The following ADAMTS3 variants were observed in gnomAD, a reference collection of about 807,000 sequenced individuals.
ADAMTS3 encodes the protein A disintegrin and metalloproteinase with thrombospondin motifs 3.
In ADAMTS3, 73 loss-of-function variants were observed where a neutral mutation model predicts 129.0. The observed-to-expected ratio is 0.57, with a 90% CI of 0.47 to 0.69. The LOEUF (loss-of-function observed/expected upper bound fraction) is 0.69. Ranked by LOEUF, ADAMTS3 falls within the 30% of genes least tolerant of loss-of-function variation. The pLI, the probability that ADAMTS3 is intolerant of heterozygous loss-of-function variation, is 0.00. For synonymous variants in ADAMTS3, 477 were observed against 510.8 expected, an observed-to-expected ratio of 0.93 and a Z score of 0.89; for missense variants, 1,457 against 1,514.5, an observed-to-expected ratio of 0.96 and a Z score of 0.63.
intron 4 of ADAMTS3, among the ~76,000 whole-genome samples, chr4:72,393,784 A>G (rs532662916): frequency 7.2e-5 from 11 of 152,370 alleles, no homozygotes; most frequent in Non-Finnish European, 1.3e-4. Flanking sequence ...GGATTAATGA[A>G]CTGATGATCC....
intron 3 of ADAMTS3, among the ~76,000 whole-genome samples, chr4:72,530,525 TTA>T (rs367607690): frequency 1.2e-5 from 1 of 84,886 alleles, no homozygotes; most frequent in African/African-American, 4.9e-5. Context: ...TATAAATATA[TTA>T]ATTTAATATA....
intron 2 of ADAMTS3, among the ~76,000 whole-genome samples, chr4:72,565,570 ATC>A (rs1433006604): frequency 6.6e-6 from 1 of 152,190 alleles, no homozygotes; most frequent in Non-Finnish European, 1.5e-5. Context: ...ATTTTATTCA[ATC>A]TGTTCTTCTC....
Position 72,320,840 on chromosome 4 carries a change from A to T in ADAMTS3, c.976T>A (p.Ser326Thr). The T allele has an allele frequency of 2.5e-6, 4 of 1,613,978 alleles. No individual in the cohort carries two copies. The South Asian group carries it at 4.4e-5, about 18-fold the overall frequency. Residue 326 changes from serine to threonine, a missense_variant, in exon 7 of 22, where the codon TCC becomes ACC. Coordinates refer to ENST00000286657, the MANE Select transcript of ADAMTS3 (RefSeq NM_014243.3). ...SISLIERGNP[S>T]RSLENVCRWA... ...CGACACACATTCTCCAAGCTTCTGG[A>T]TGGGTTTCCCCTTTCTATGAGGCTG...
chr4:72,392,222 T>C (rs1721612498), intron 4 of ADAMTS3, among the ~76,000 whole-genome samples: 1 of 152,142 alleles, frequency 6.6e-6, no homozygotes, highest in Non-Finnish European at 1.5e-5. Context: ...CCTGCTGATA[T>C]TTCATAGGCT....
intron 4 of ADAMTS3, among the ~76,000 whole-genome samples, chr4:72,373,881 C>T (rs1578624819): frequency 6.6e-6 from 1 of 150,478 alleles, no homozygotes; most frequent in Middle Eastern, 3.5e-3. Flanking sequence ...GACTCTGTGT[C>T]AGCAAGACCC....
rs759359266 is a variant in ADAMTS3 at position 72,283,124 on chromosome 4, T to C, written c.*12A>G. On this transcript the variant is annotated 3_prime_UTR_variant, in exon 22 of 22. Coordinates refer to ENST00000286657, the MANE Select transcript of ADAMTS3 (RefSeq NM_014243.3). ...GTTTTCCTCTGGTTTCTAGCCTTTT[T>C]GGTTCACTTTCTCATCTTTCTAAGG... The C allele has an allele frequency of 6.3e-7, 1 of 1,581,440 alleles. No individual in the cohort carries two copies. The highest frequency in any genetic ancestry group is 1.2e-5 in the South Asian group (1 of 84,980).
At chr4:72,526,753 T>C (rs1476368949) in intron 3 of ADAMTS3, among the ~76,000 whole-genome samples, 2 of 66,100 alleles carry the variant, frequency 3.0e-5, no homozygotes, top group African/African-American at 1.0e-4. Flanking sequence ...TATATATATA[T>C]ATATATATAT....
At chr4:72,323,344 T>C (rs950068110) in intron 5 of ADAMTS3, among the ~76,000 whole-genome samples, 1 of 152,236 alleles carries the variant, frequency 6.6e-6, no homozygotes, top group Non-Finnish European at 1.5e-5. Flanking sequence ...AAGGGCTTTG[T>C]TATACTAGTG....
At position 72,283,767 on chromosome 4, in the gene ADAMTS3, A is replaced by T. The variant is rs182636773; in HGVS notation, c.3050-63T>A. 2.1e-6 allele frequency: 3 copies of T among 1,400,818 alleles called. No individual in the cohort carries two copies. In the East Asian group the frequency reaches 7.3e-5, roughly 34 times the overall value. 86.8% of individuals were successfully genotyped at this position (1,400,818 alleles called of 1,614,324 possible). On this transcript the variant is annotated intron_variant, in intron 21 of 21. Transcript: ENST00000286657. ...CTAAACATAAAATAAAAGGAGGAAAAAAATTAAAATTTTTAATGAATGTAA... is the reference window on the plus strand; with the variant it reads ...CTAAACATAAAATAAAAGGAGGAAATAAATTAAAATTTTTAATGAATGTAA...
At chr4:72,513,093 C>T (rs954685233) in intron 3 of ADAMTS3, among the ~76,000 whole-genome samples, 1 of 152,320 alleles carries the variant, frequency 6.6e-6, no homozygotes, top group East Asian at 1.9e-4. Context: ...CTGTCCCTAG[C>T]CATGTACTGT....
At chr4:72,474,973 G>T (rs1719188658) in intron 3 of ADAMTS3, among the ~76,000 whole-genome samples, 1 of 150,460 alleles carries the variant, frequency 6.6e-6, no homozygotes, top group Admixed American at 6.6e-5. Flanking sequence ...CTTGCAGTGA[G>T]CCGAGATCCC....
chr4:72,357,683 T>C (rs1246893839), intron 4 of ADAMTS3, among the ~76,000 whole-genome samples: 1 of 151,988 alleles, frequency 6.6e-6, no homozygotes, highest in African/African-American at 2.4e-5. Context: ...GTAGGGTATA[T>C]GGTACAGTGT....
chr4:72,530,446 T>C (rs1720983158), intron 3 of ADAMTS3, among the ~76,000 whole-genome samples: 1 of 88,852 alleles, frequency 1.1e-5, no homozygotes, highest in Non-Finnish European at 1.9e-5. Flanking sequence ...GTTAATTTAA[T>C]ATATATTATA....
At chr4:72,377,521 G>A (rs933150896) in intron 4 of ADAMTS3, among the ~76,000 whole-genome samples, 2 of 152,138 alleles carry the variant, frequency 1.3e-5, no homozygotes, top group Non-Finnish European at 2.9e-5. Context: ...CTATCTAGAC[G>A]GCTAAAGGAG....
chr4:72,437,659 C>T (rs1246380484), intron 3 of ADAMTS3, among the ~76,000 whole-genome samples: 2 of 151,686 alleles, frequency 1.3e-5, no homozygotes, highest in Admixed American at 6.6e-5. Flanking sequence ...TGTTGGTGCA[C>T]TATGAACCAA....
At position 72,346,453 on chromosome 4, in the gene ADAMTS3, T is replaced by G. The variant is rs1471278183; in HGVS notation, c.662-6760A>C. ...AATTTGTCTAGAGATAACTTCTGCA[T>G]TCTCTTGGCCTCAATATTTTTTGAA... On this transcript the variant is annotated intron_variant, in intron 4 of 21. Transcript: ENST00000286657. Among the ~76,000 whole-genome samples, 3 of 152,120 alleles carry G rather than the reference T, an allele frequency of 2.0e-5. No homozygotes were observed. In the East Asian group the frequency reaches 5.8e-4, roughly 29 times the overall value.
In ADAMTS3 at chr4:72,387,289, T is replaced by C. The variant is rs192557673; in HGVS notation, c.661+27526A>G. 2.6e-5 allele frequency among the ~76,000 whole-genome samples: 4 copies of C among 152,354 alleles called. No individual in the cohort carries two copies. The East Asian group carries it at 5.8e-4, about 22-fold the overall frequency. ...GTTATCAGTCACATTTTACAAATCA[T>C]GAAACAGATGTCCACAGAGATTTGG... On this transcript the variant is annotated intron_variant, in intron 4 of 21. Transcript: ENST00000286657.
At chr4:72,290,737 A>G in intron 20 of ADAMTS3, 118 bp downstream of exon 20, 1 of 1,100,114 alleles carries the variant, frequency 9.1e-7, no homozygotes, top group Admixed American at 2.2e-5. Flanking sequence ...GTAATTACAA[A>G]ATATGCAGTA....
chr4:72,432,979 G>C (rs554775775), intron 3 of ADAMTS3, among the ~76,000 whole-genome samples: 3 of 152,072 alleles, frequency 2.0e-5, no homozygotes, highest in South Asian at 2.1e-4. Flanking sequence ...GGAAGGCAGA[G>C]AGCATATATT....
Sources: gnomAD v4.1 joint callset for allele counts (sites outside exome capture counted in the v4.1 genomes callset) on GRCh38, gnomAD v4.1.1 for gene constraint, MANE v1.5 for transcripts, NCBI Gene and HGNC (gene_info 2026-07-23, HGNC 2026-07-21) for gene names.